The following SHROOM3 variants were observed in gnomAD, a reference collection of about 807,000 sequenced individuals.
SHROOM3 encodes the protein shroom family member 3.
SHROOM3 carries 47 observed loss-of-function variants against 138.6 expected under a neutral mutation model. The observed-to-expected ratio is 0.34, with a 90% confidence interval of 0.27 to 0.43. The LOEUF (loss-of-function observed/expected upper bound fraction) is 0.43. Among genes scored for constraint, SHROOM3 ranks in the 20% least tolerant of loss-of-function variants. SHROOM3 has a pLI of 1.00. For missense variants in SHROOM3, 2,491 were observed against 2,596.5 expected (o/e 0.96, Z 0.88); for synonymous variants, 1,062 against 1,063.3 (o/e 1.00, Z 0.02).
At chr4:76,509,898 C>G (rs1413682527) in intron 1 of SHROOM3, among the ~76,000 whole-genome samples, 1 of 152,132 alleles carries the variant, frequency 6.6e-6, no homozygotes, top group Non-Finnish European at 1.5e-5. Flanking sequence ...CTGAAATTCT[C>G]AGATATGTAT....
chr4:76,592,481 G>A (rs1010109505), intron 2 of SHROOM3, among the ~76,000 whole-genome samples: 1 of 152,326 alleles, frequency 6.6e-6, no homozygotes, highest in South Asian at 2.1e-4. Flanking sequence ...TGAGCACACA[G>A]CACAGAGCTT....
chr4:76,771,574 G>T (rs2109792680), intron 10 of SHROOM3, among the ~76,000 whole-genome samples: 1 of 152,246 alleles, frequency 6.6e-6, no homozygotes, highest in South Asian at 2.1e-4. Context: ...CACATGAGGG[G>T]CCACAGGCAC....
Position 76,738,784 on chromosome 4 carries a change from A to G in SHROOM3, c.611A>G (p.Asn204Ser), listed in dbSNP as rs1181676797. ...AGCTCCTCTACTAGTGACCTCTCCAACTATGACCATGCTTATCTAAGGCGG... is the reference window on the plus strand; with the variant it reads ...AGCTCCTCTACTAGTGACCTCTCCAGCTATGACCATGCTTATCTAAGGCGG... ...HSSSSTSDLS[N>S]YDHAYLRRSP... is the part of the protein sequence containing the mutation. The change falls in exon 5 of 11, where the codon AAC becomes AGC. Residue 204 changes from asparagine to serine, a missense_variant. Coordinates refer to ENST00000296043, the MANE Select transcript of SHROOM3 (RefSeq NM_020859.4). 1.9e-6 allele frequency: 3 copies of G among 1,614,100 alleles called. No individual in the cohort carries two copies. Among genetic ancestry groups the G allele is most frequent in the Non-Finnish European group, 2.5e-6 (3 of 1,180,042 alleles).
intron 2 of SHROOM3, among the ~76,000 whole-genome samples, chr4:76,628,000 C>A (rs956065428): frequency 1.3e-5 from 2 of 152,156 alleles, no homozygotes; most frequent in Non-Finnish European, 2.9e-5. Flanking sequence ...CTTCTTCTTC[C>A]TTTCTCTATC....
At chr4:76,725,986 C>T (rs1391162710) in intron 3 of SHROOM3, among the ~76,000 whole-genome samples, 1 of 152,174 alleles carries the variant, frequency 6.6e-6, no homozygotes, top group African/African-American at 2.4e-5. Context: ...CTACCACCCT[C>T]TTCTCCCCTT....
chr4:76,709,928 T>G (rs750603206), intron 2 of SHROOM3: 2 of 517,382 alleles, frequency 3.9e-6, no homozygotes, highest in Non-Finnish European at 7.0e-6. Context: ...GCTTTATTGC[T>G]TCAGAGGAAC....
At chr4:76,526,184 T>C (rs1329477002) in intron 1 of SHROOM3, among the ~76,000 whole-genome samples, 1 of 152,136 alleles carries the variant, frequency 6.6e-6, no homozygotes, top group Non-Finnish European at 1.5e-5. Context: ...CTGGCCAAGA[T>C]GGTGAAACCC....
chr4:76,770,475 A>ATGAAAGAAGGCTATTG, intron 9 of SHROOM3, 151 bp from the exon 10 acceptor site: 1 of 898,862 alleles, frequency 1.1e-6, no homozygotes, highest in South Asian at 1.5e-5. Context: ...GAAGGCTATT[A>ATGAAAGAAGGCTATTG]TGGCATAATA....
At chr4:76,532,287 T>C (rs1051835593) in intron 1 of SHROOM3, 2 of 152,352 alleles carry the variant, frequency 1.3e-5, no homozygotes, top group African/African-American at 4.8e-5. Context: ...ATCTTCTCTG[T>C]AACATTCCAA....
intron 1 of SHROOM3, among the ~76,000 whole-genome samples, chr4:76,479,230 G>T (rs1417645199): frequency 6.6e-6 from 1 of 151,732 alleles, no homozygotes; most frequent in African/African-American, 2.4e-5. Context: ...TAAGAACCTT[G>T]AAAAAAGGTT....
intron 9 of SHROOM3, among the ~76,000 whole-genome samples, chr4:76,765,840 C>CATGACTTGA (rs1722137025): frequency 6.6e-6 from 1 of 152,342 alleles, no homozygotes; most frequent in Admixed American, 6.5e-5. Flanking sequence ...TTTCAACATT[C>CATGACTTGA]ATGACTTGAG....
intron 2 of SHROOM3, among the ~76,000 whole-genome samples, chr4:76,641,620 G>C (rs980216877): frequency 6.6e-6 from 1 of 152,190 alleles, no homozygotes; most frequent in African/African-American, 2.4e-5. Flanking sequence ...CAGGCAACCA[G>C]AGCAAATTTA....
intron 2 of SHROOM3, among the ~76,000 whole-genome samples, chr4:76,686,618 G>A (rs561416914): frequency 6.6e-6 from 1 of 151,888 alleles, no homozygotes; most frequent in South Asian, 2.1e-4. Context: ...ATTCTCACAG[G>A]TCCCTCCCAA....
At chr4:76,516,734 C>T (rs1327923921) in intron 1 of SHROOM3, among the ~76,000 whole-genome samples, 1 of 152,182 alleles carries the variant, frequency 6.6e-6, no homozygotes, top group Admixed American at 6.5e-5. Context: ...AGTTGGGTCT[C>T]CAGATCTGAT....
At chr4:76,550,539 C>T (rs1049880082) in intron 1 of SHROOM3, among the ~76,000 whole-genome samples, 3 of 152,090 alleles carry the variant, frequency 2.0e-5, no homozygotes, top group African/African-American at 7.2e-5. Context: ...TGGGATGGGC[C>T]TTCTACAAAA....
intron 2 of SHROOM3, among the ~76,000 whole-genome samples, chr4:76,631,191 C>CT (rs1172923298): frequency 8.1e-6 from 1 of 123,446 alleles, no homozygotes; most frequent in African/African-American, 3.0e-5. Context: ...AGACAGGTGA[C>CT]TTTTTTTTAA....
At chr4:76,625,732 G>A (rs1030303703) in intron 2 of SHROOM3, among the ~76,000 whole-genome samples, 6 of 152,050 alleles carry the variant, frequency 3.9e-5, no homozygotes, top group African/African-American at 1.2e-4. Flanking sequence ...TAACTAGAAG[G>A]CTTATCCTCC....
chr4:76,744,740 G>A (rs1721376318), intron 5 of SHROOM3, among the ~76,000 whole-genome samples: 1 of 152,170 alleles, frequency 6.6e-6, no homozygotes, highest in African/African-American at 2.4e-5. Context: ...ACCACAATGT[G>A]GAGTGTGTTT....
intron 2 of SHROOM3, among the ~76,000 whole-genome samples, chr4:76,612,176 ATAT>A (rs1450790256): frequency 6.6e-6 from 1 of 152,122 alleles, no homozygotes; most frequent in Non-Finnish European, 1.5e-5. Flanking sequence ...TCCAGTAATA[ATAT>A]TATACATCTA....
Sources: allele counts gnomAD v4.1 joint callset (sites outside exome capture counted in the v4.1 genomes callset), GRCh38; gene constraint gnomAD v4.1.1; transcripts MANE v1.5; gene names NCBI Gene and HGNC (gene_info 2026-07-23, HGNC 2026-07-21).